PTPRK: variants seen among roughly 807,000 people sequenced by gnomAD.
The protein encoded by PTPRK is receptor-type tyrosine-protein phosphatase kappa.
PTPRK carries 75 observed loss-of-function variants against 178.0 expected under a neutral mutation model. That is an observed-to-expected ratio of 0.42 (90% CI 0.35 to 0.51). The LOEUF is 0.51. Ranked by LOEUF, PTPRK falls within the 20% of genes least tolerant of loss-of-function variation. PTPRK has a pLI of 0.02. For missense variants in PTPRK, 1,441 were observed against 1,797.8 expected, an observed-to-expected ratio of 0.80 and a Z score of 3.59; for synonymous variants, 637 against 620.6, an observed-to-expected ratio of 1.03 and a Z score of -0.39.
At chr6:128,212,453 T>C (rs1163004781) in intron 6 of PTPRK, among the ~76,000 whole-genome samples, 1 of 151,918 alleles carries the variant, frequency 6.6e-6, no homozygotes, top group Non-Finnish European at 1.5e-5. Context: ...GAATATAAAC[T>C]ACGAAGACAC....
chr6:128,122,986 A>G (rs1487527489), intron 7 of PTPRK, among the ~76,000 whole-genome samples: 1 of 152,180 alleles, frequency 6.6e-6, no homozygotes, highest in Admixed American at 6.5e-5. Context: ...CAACACCTGG[A>G]ACTTCAGAAT....
intron 13 of PTPRK, among the ~76,000 whole-genome samples, chr6:128,014,574 C>T (rs1415758524): frequency 6.6e-6 from 1 of 151,650 alleles, no homozygotes; most frequent in Non-Finnish European, 1.5e-5. Context: ...GTAGACGCTG[C>T]TGCTCTAGGT....
At chr6:128,069,948 T>G (rs557129896) in intron 11 of PTPRK, among the ~76,000 whole-genome samples, 1 of 152,154 alleles carries the variant, frequency 6.6e-6, no homozygotes, top group Non-Finnish European at 1.5e-5. Flanking sequence ...AAAATAAAAA[T>G]CAATGCCTTG....
intron 1 of PTPRK, among the ~76,000 whole-genome samples, chr6:128,423,232 G>C (rs908477440): frequency 2.6e-5 from 4 of 152,100 alleles, no homozygotes; most frequent in African/African-American, 9.7e-5. Flanking sequence ...CAGATTTCTA[G>C]GACTTTTTTT....
chr6:128,401,023 A>C (rs1230696467), intron 1 of PTPRK, among the ~76,000 whole-genome samples: 1 of 152,164 alleles, frequency 6.6e-6, no homozygotes, highest in Non-Finnish European at 1.5e-5. Context: ...GAGTAGCTGC[A>C]AATCATGCCA....
At chr6:128,343,318 G>A (rs563576310) in intron 2 of PTPRK, among the ~76,000 whole-genome samples, 3 of 151,898 alleles carry the variant, frequency 2.0e-5, no homozygotes, top group Non-Finnish European at 2.9e-5. Flanking sequence ...TGGCCAACAT[G>A]GTGAGACCCT....
intron 3 of PTPRK, among the ~76,000 whole-genome samples, chr6:128,312,739 G>A (rs958735780): frequency 6.6e-6 from 1 of 151,784 alleles, no homozygotes. Context: ...CTAAGGAAAA[G>A]TATAAAATTG....
At chr6:128,042,734 G>T (rs1582680560) in intron 13 of PTPRK, among the ~76,000 whole-genome samples, 1 of 151,836 alleles carries the variant, frequency 6.6e-6, no homozygotes, top group African/African-American at 2.4e-5. Flanking sequence ...ACATCTTTGT[G>T]GGGGGACATT....
chr6:128,469,978 T>C (rs955405681), intron 1 of PTPRK, among the ~76,000 whole-genome samples: 1 of 152,130 alleles, frequency 6.6e-6, no homozygotes, highest in Non-Finnish European at 1.5e-5. Context: ...CCAGTGAGAC[T>C]CCTGACTTCT....
intron 1 of PTPRK, among the ~76,000 whole-genome samples, chr6:128,488,990 ACT>A (rs1853376795): frequency 6.6e-6 from 1 of 152,076 alleles, no homozygotes; most frequent in Non-Finnish European, 1.5e-5. Context: ...AAAGAAAAAA[ACT>A]CTACCATATA....
intron 5 of PTPRK, among the ~76,000 whole-genome samples, chr6:128,226,908 T>C (rs1466390921): frequency 6.6e-6 from 1 of 151,550 alleles, no homozygotes; most frequent in Non-Finnish European, 1.5e-5. Flanking sequence ...CAGATTTTTA[T>C]GGATGAACTT....
chr6:128,469,068 AC>A (rs1454253029), intron 1 of PTPRK, among the ~76,000 whole-genome samples: 4 of 152,198 alleles, frequency 2.6e-5, no homozygotes, highest in Non-Finnish European at 5.9e-5. Flanking sequence ...TGTACTTTTC[AC>A]ATTTGTAGGA....
chr6:128,308,134 A>G (rs1228331969), intron 3 of PTPRK, among the ~76,000 whole-genome samples: 1 of 128,326 alleles, frequency 7.8e-6, no homozygotes, highest in African/African-American at 3.1e-5. Context: ...ATTGACTGGG[A>G]AAAAAAAATC....
chr6:128,367,801 C>T (rs1295724716), intron 2 of PTPRK, among the ~76,000 whole-genome samples: 1 of 152,112 alleles, frequency 6.6e-6, no homozygotes, highest in Non-Finnish European at 1.5e-5. Context: ...GGTTTCTTAG[C>T]ACATAATAGC....
At chr6:128,473,480 T>C (rs1480551590) in intron 1 of PTPRK, among the ~76,000 whole-genome samples, 1 of 139,682 alleles carries the variant, frequency 7.2e-6, no homozygotes, top group Admixed American at 8.0e-5. Flanking sequence ...ACCATGCAAA[T>C]ATCCTGCTCT....
intron 7 of PTPRK, among the ~76,000 whole-genome samples, chr6:128,163,142 G>A (rs2114612720): frequency 6.6e-6 from 1 of 151,120 alleles, no homozygotes; most frequent in South Asian, 2.1e-4. Context: ...ACTGGGATGG[G>A]CTTAAATTAG....
intron 3 of PTPRK, among the ~76,000 whole-genome samples, chr6:128,318,031 T>C (rs566307161): frequency 1.3e-5 from 2 of 152,300 alleles, no homozygotes; most frequent in African/African-American, 4.8e-5. Flanking sequence ...AAGTTACCGC[T>C]ATATGATATA....
intron 5 of PTPRK, among the ~76,000 whole-genome samples, chr6:128,234,442 A>G (rs1265309964): frequency 1.3e-5 from 2 of 152,226 alleles, no homozygotes; most frequent in African/African-American, 4.8e-5. Flanking sequence ...ATATGACATT[A>G]ACATTACCCT....
At chr6:128,452,206 T>C (rs1363974034) in intron 1 of PTPRK, among the ~76,000 whole-genome samples, 1 of 152,184 alleles carries the variant, frequency 6.6e-6, no homozygotes, top group African/African-American at 2.4e-5. Context: ...TCATGTGTTT[T>C]CATTTTGGTC....
Sources: gnomAD v4.1 joint callset for allele counts (sites outside exome capture counted in the v4.1 genomes callset) on GRCh38, gnomAD v4.1.1 for gene constraint, MANE v1.5 for transcripts, NCBI Gene and HGNC (gene_info 2026-07-23, HGNC 2026-07-21) for gene names.